FAM118B: variants seen among roughly 807,000 people sequenced by gnomAD.
FAM118B encodes SIR2 antiphage like 1.
In FAM118B, 24 loss-of-function variants were observed where a neutral mutation model predicts 38.5. The ratio of observed to expected loss-of-function variants is 0.62; its 90% CI spans 0.45 to 0.88. FAM118B has a LOEUF of 0.88. FAM118B is among the 40% of genes least tolerant of loss of function. The pLI, the probability that FAM118B is intolerant of heterozygous loss-of-function variation, is 0.00. For missense variants in FAM118B, 334 were observed against 420.0 expected, an observed-to-expected ratio of 0.80 and a Z score of 1.79; for synonymous variants, 138 against 156.3, an observed-to-expected ratio of 0.88 and a Z score of 0.87.
intron 7 of FAM118B, among the ~76,000 whole-genome samples, chr11:126,257,493 A>G (rs190666301): frequency 5.9e-5 from 9 of 152,258 alleles, no homozygotes; most frequent in African/African-American, 2.2e-4. Context: ...ATGAAACCAT[A>G]GAAGGGAAAG....
intron 3 of FAM118B, among the ~76,000 whole-genome samples, chr11:126,236,501 A>AT (rs1171690039): frequency 6.6e-6 from 1 of 151,918 alleles, no homozygotes; most frequent in African/African-American, 2.4e-5. Flanking sequence ...GTTGTTGTTC[A>AT]TTAGAAGCTT....
intron 1 of FAM118B, among the ~76,000 whole-genome samples, chr11:126,223,964 T>C (rs1287472876): frequency 2.6e-5 from 4 of 152,262 alleles, no homozygotes; most frequent in African/African-American, 9.6e-5. Flanking sequence ...TTTTCCCATT[T>C]GTTCCATTTA....
rs1380445802 is a variant in FAM118B at position 126,252,799 on chromosome 11, C to T, written c.568-1506C>T. 1.3e-5 allele frequency among the ~76,000 whole-genome samples: 2 copies of T among 152,134 alleles called. No individual in the cohort carries two copies. The highest frequency in any genetic ancestry group is 4.8e-5 in the African/African-American group (2 of 41,428). On this transcript the variant is annotated intron_variant, in intron 5 of 8. Coordinates refer to ENST00000533050, the MANE Select transcript of FAM118B (RefSeq NM_024556.4). This position sits in a 1 kb window ranked among gnomAD's most constrained non-coding sequence, Gnocchi z 4.7. ...TCTGTAATCCCAGCATTTTGGGTGG[C>T]CGAGGTGGGTGGATCACTTGAGGTC... is the stretch of plus-strand genomic sequence containing the variant.
intron 1 of FAM118B, among the ~76,000 whole-genome samples, chr11:126,216,964 G>C (rs1173355627): frequency 3.9e-5 from 6 of 152,240 alleles, no homozygotes; most frequent in Non-Finnish European, 8.8e-5. Context: ...GCAGGCGCCA[G>C]CCCTGGACAG....
intron 3 of FAM118B, among the ~76,000 whole-genome samples, chr11:126,238,595 T>C (rs1045962903): frequency 2.6e-5 from 4 of 152,220 alleles, no homozygotes; most frequent in Non-Finnish European, 5.9e-5. Context: ...AGACTTTTAC[T>C]TAATCCCCAC....
intron 1 of FAM118B, among the ~76,000 whole-genome samples, chr11:126,219,349 C>CT (rs549922825): frequency 6.7e-5 from 3 of 44,466 alleles, no homozygotes; most frequent in Non-Finnish European, 7.7e-5. Context: ...TCTTGTTTAT[C>CT]TTTTTTTTTT....
At chr11:126,241,094 C>T (rs1221356153) in intron 4 of FAM118B, 50 bp downstream of exon 4, 2 of 1,501,412 alleles carry the variant, frequency 1.3e-6, no homozygotes, top group Non-Finnish European at 1.8e-6. Flanking sequence ...TAAAATTTAA[C>T]TATCACAACT....
At chr11:126,220,639 C>G (rs914736752) in intron 1 of FAM118B, among the ~76,000 whole-genome samples, 2 of 151,998 alleles carry the variant, frequency 1.3e-5, no homozygotes, top group Non-Finnish European at 2.9e-5. Flanking sequence ...CCCTTGAGCC[C>G]CAGAGTTTGA....
In FAM118B at chr11:126,256,960, G is replaced by T; in HGVS notation, c.982+108G>T. 8.6e-7 allele frequency: 1 copy of T among 1,165,954 alleles called. No individual in the cohort carries two copies. Among genetic ancestry groups the T allele is most frequent in the Non-Finnish European group, 1.2e-6 (1 of 823,784 alleles). The allele number at this position is 1,165,954 out of a possible 1,614,324, so 72.2% of individuals were successfully genotyped here. On this transcript the variant is annotated intron_variant, in intron 7 of 8. Coordinates refer to ENST00000533050, the MANE Select transcript of FAM118B (RefSeq NM_024556.4). This position sits in a 1 kb window ranked among gnomAD's most constrained non-coding sequence, Gnocchi z 6.6. ...TAGTTGCCAAGATGAGGAATGTAAT[G>T]ACTGACCAAATTGTAAAGGAGGCCA...
chr11:126,225,661 G>C lies in FAM118B; in HGVS notation c.-76-3564G>C, dbSNP rs147604513. On this transcript the variant is annotated intron_variant, in intron 1 of 8. Coordinates refer to ENST00000533050, the MANE Select transcript of FAM118B (RefSeq NM_024556.4). Reference sequence around the variant, plus strand: ...TTTGAATCCTCTTCTCTGAGTTGCTGTTCATTGTTTCCAGCTTAGTTTTCC... The same window carrying C: ...TTTGAATCCTCTTCTCTGAGTTGCTCTTCATTGTTTCCAGCTTAGTTTTCC... Among the ~76,000 whole-genome samples the C allele has an allele frequency of 2.8e-3, 433 of 152,298 alleles. 1 individual carries two copies. Among genetic ancestry groups the C allele is most frequent in the Non-Finnish European group, 5.0e-3 (339 of 68,032 alleles).
At chr11:126,216,026 T>G (rs962712177) in intron 1 of FAM118B, among the ~76,000 whole-genome samples, 1 of 151,284 alleles carries the variant, frequency 6.6e-6, no homozygotes, top group African/African-American at 2.4e-5. Flanking sequence ...AAAGAAAAAG[T>G]AATTTGTGTA....
At chr11:126,220,113 G>C (rs1950044625) in intron 1 of FAM118B, among the ~76,000 whole-genome samples, 1 of 152,172 alleles carries the variant, frequency 6.6e-6, no homozygotes, top group Non-Finnish European at 1.5e-5. Context: ...GCAGTGGTTA[G>C]CTCCACGTTG....
Position 126,252,657 on chromosome 11 carries a change from C to T in FAM118B, c.568-1648C>T, listed in dbSNP as rs1016308684. On this transcript the variant is annotated intron_variant, in intron 5 of 8. Transcript: ENST00000533050. The surrounding 1 kb of genome is among the most constrained non-coding windows in gnomAD (Gnocchi z 4.7). The stretch of plus-strand genomic sequence containing the variant: ...ACTTGGGAGGCTGAAGCAGGACGAT[C>T]GATTGAGCTGAGGCAGTCGAGGCTA... 1.3e-5 allele frequency among the ~76,000 whole-genome samples: 2 copies of T among 152,004 alleles called. No individual in the cohort carries two copies. Among genetic ancestry groups the T allele is most frequent in the African/African-American group, 4.8e-5 (2 of 41,360 alleles).
chr11:126,244,768 A>C lies in FAM118B; in HGVS notation c.339+3724A>C, dbSNP rs1047211480. Among the ~76,000 whole-genome samples, 1 of 152,156 alleles carries C rather than the reference A, an allele frequency of 6.6e-6. No homozygotes were observed. On this transcript the variant is annotated intron_variant, in intron 4 of 8. Transcript: ENST00000533050. The surrounding 1 kb of genome is among the most constrained non-coding windows in gnomAD (Gnocchi z 4.5). ...CAGCGAGCCAGGATCCCTCCACTGCACTCCAGCCTGGGCAACAAGAGCGAA... is the reference window on the plus strand; with the variant it reads ...CAGCGAGCCAGGATCCCTCCACTGCCCTCCAGCCTGGGCAACAAGAGCGAA...
intron 3 of FAM118B, among the ~76,000 whole-genome samples, chr11:126,239,095 C>A (rs1291606083): frequency 6.6e-6 from 1 of 151,692 alleles, no homozygotes; most frequent in African/African-American, 2.4e-5. Flanking sequence ...GTGAACTTAG[C>A]CTCCCAGGTA....
intron 1 of FAM118B, among the ~76,000 whole-genome samples, chr11:126,220,446 C>T (rs551810917): frequency 2.6e-5 from 4 of 152,226 alleles, no homozygotes; most frequent in Admixed American, 2.6e-4. Flanking sequence ...CTTGGTGGCC[C>T]ATGCCTGTAA....
At chr11:126,222,088 A>T (rs1950071273) in intron 1 of FAM118B, among the ~76,000 whole-genome samples, 1 of 152,222 alleles carries the variant, frequency 6.6e-6, no homozygotes, top group Non-Finnish European at 1.5e-5. Context: ...AACAACATGA[A>T]CACTGACTCC....
chr11:126,257,994 A>G (rs1262545448), intron 7 of FAM118B, among the ~76,000 whole-genome samples: 1 of 152,234 alleles, frequency 6.6e-6, no homozygotes, highest in Non-Finnish European at 1.5e-5. Flanking sequence ...GCCAGGCTCC[A>G]GAGTATGGCT....
chr11:126,250,520 T>G lies in FAM118B; in HGVS notation c.354T>G (p.Val118=). The change falls in exon 5 of 9, where the codon GTT becomes GTG. Residue 118 remains valine, a synonymous_variant. Coordinates refer to ENST00000533050, the MANE Select transcript of FAM118B (RefSeq NM_024556.4). This position sits in a 1 kb window ranked among gnomAD's most constrained non-coding sequence, Gnocchi z 5.1. ...IQKLSPRTSN[V]RSTFFKDCLY... Reference sequence around the variant, plus strand: ...TCCCTCCTCAGCGTACCAGTAATGTTCGATCCACATTTTTCAAGGACTGTT... The same window carrying G: ...TCCCTCCTCAGCGTACCAGTAATGTGCGATCCACATTTTTCAAGGACTGTT... 1.9e-6 allele frequency: 3 copies of G among 1,613,306 alleles called. No homozygotes were observed. The highest frequency in any genetic ancestry group is 2.5e-6 in the Non-Finnish European group (3 of 1,179,220).
Sources: allele counts gnomAD v4.1 joint callset (sites outside exome capture counted in the v4.1 genomes callset), GRCh38; gene constraint gnomAD v4.1.1; non-coding constraint Gnocchi (gnomAD v3.1); transcripts MANE v1.5; gene names NCBI Gene and HGNC (gene_info 2026-07-23, HGNC 2026-07-21).